Variants in HECW2 observed in about 807,000 individuals in gnomAD.
HECW2 encodes E3 ubiquitin-protein ligase HECW2.
A neutral mutation model predicts 175.2 loss-of-function variants in HECW2; 61 were observed. That is an observed-to-expected ratio of 0.35 (90% CI 0.28 to 0.43). The LOEUF is 0.43. Ranked by LOEUF, HECW2 falls within the 20% of genes least tolerant of loss-of-function variation. The pLI is 1.00. For synonymous variants in HECW2, 671 were observed against 731.0 expected (o/e 0.92, Z 1.32); for missense variants, 1,524 against 2,000.5 (o/e 0.76, Z 4.54).
At chr2:196,405,301 G>A (rs1336463476) in intron 2 of HECW2, among the ~76,000 whole-genome samples, 1 of 152,070 alleles carries the variant, frequency 6.6e-6, no homozygotes, top group Non-Finnish European at 1.5e-5. Context: ...TCTTACTTTA[G>A]ACTCAGGACC....
rs890370243 is a variant in HECW2, at chr2:196,292,595, T to A, written c.2970A>T (p.Gly990=). The A allele has an allele frequency of 1.2e-6, 2 of 1,613,742 alleles. No individual in the cohort carries two copies. Among genetic ancestry groups the A allele is most frequent in the Non-Finnish European group, 8.5e-7 (1 of 1,179,750 alleles). Residue 990 remains glycine (G), a synonymous_variant, in exon 14 of 29, where the codon GGA becomes GGT. Transcript: ENST00000644978. The stretch of plus-strand genomic sequence containing the variant: ...CCTGGTGATCATGTTTCATTTCCCA[T>A]CCCCGCGGCAGCTCTAGCTGTTTGT... The part of the protein sequence containing the change: ...FANKQLELPR[G]WEMKHDHQGK...
chr2:196,379,451 C>T (rs13407375), intron 2 of HECW2, among the ~76,000 whole-genome samples: 9,457 of 151,976 alleles, frequency 0.062, 453 homozygotes, highest in African/African-American at 0.12. Flanking sequence ...TTTGGGAGGT[C>T]GAGGCGGGTG....
At chr2:196,547,263 G>A (rs865973592) in intron 1 of HECW2, among the ~76,000 whole-genome samples, 2 of 152,196 alleles carry the variant, frequency 1.3e-5, no homozygotes, top group Admixed American at 6.5e-5. Flanking sequence ...AACCTAGCAT[G>A]TTCAGAAGGC....
chr2:196,274,716 T>A (rs751805804), intron 15 of HECW2, among the ~76,000 whole-genome samples: 1 of 152,200 alleles, frequency 6.6e-6, no homozygotes, highest in Non-Finnish European at 1.5e-5. Context: ...CACACCAGGG[T>A]GCTAATAGGA....
intron 2 of HECW2, among the ~76,000 whole-genome samples, chr2:196,432,072 A>C (rs1695729370): frequency 6.6e-6 from 1 of 152,120 alleles, no homozygotes; most frequent in South Asian, 2.1e-4. Context: ...TGTCCTTTAC[A>C]TTGTTGGATG....
chr2:196,580,981 T>G (rs1459027341), intron 1 of HECW2, among the ~76,000 whole-genome samples: 1 of 152,184 alleles, frequency 6.6e-6, no homozygotes, highest in African/African-American at 2.4e-5. Flanking sequence ...AGTGAAGTAG[T>G]GACACATGCT....
intron 15 of HECW2, among the ~76,000 whole-genome samples, chr2:196,278,238 T>C (rs78632329): frequency 0.04 from 5,685 of 143,400 alleles, 149 homozygotes; most frequent in South Asian, 0.089. Context: ...CATCTTCCTG[T>C]CTCGAACATT....
intron 19 of HECW2, among the ~76,000 whole-genome samples, chr2:196,246,119 A>G (rs576696996): frequency 6.6e-6 from 1 of 152,312 alleles, no homozygotes; most frequent in East Asian, 1.9e-4. Flanking sequence ...GTGTACCGAA[A>G]GGCATAATTT....
chr2:196,381,998 G>A (rs1694218821), intron 2 of HECW2, among the ~76,000 whole-genome samples: 1 of 152,074 alleles, frequency 6.6e-6, no homozygotes, highest in South Asian at 2.1e-4. Flanking sequence ...AATAAATTAT[G>A]TTACATCTCA....
chr2:196,430,858 T>C (rs1695690320), intron 2 of HECW2, among the ~76,000 whole-genome samples: 1 of 151,698 alleles, frequency 6.6e-6, no homozygotes, highest in Non-Finnish European at 1.5e-5. Flanking sequence ...AAGAAAAAAA[T>C]AAAAACAGAA....
At chr2:196,480,329 C>G (rs564503321) in intron 1 of HECW2, among the ~76,000 whole-genome samples, 1 of 152,082 alleles carries the variant, frequency 6.6e-6, no homozygotes, top group Non-Finnish European at 1.5e-5. Flanking sequence ...CTCATTTATC[C>G]GCTGTAGTGA....
At chr2:196,459,529 C>T (rs1439516777) in intron 1 of HECW2, among the ~76,000 whole-genome samples, 3 of 151,964 alleles carry the variant, frequency 2.0e-5, no homozygotes, top group Non-Finnish European at 4.4e-5. Context: ...AAACTCAGTT[C>T]CCAACCATGA....
At chr2:196,408,449 C>A (rs1490002708) in intron 2 of HECW2, among the ~76,000 whole-genome samples, 1 of 152,132 alleles carries the variant, frequency 6.6e-6, no homozygotes, top group East Asian at 1.9e-4. Context: ...TCTAAGTGGT[C>A]ATGATTTTTA....
chr2:196,502,683 G>A (rs971915255), intron 1 of HECW2, among the ~76,000 whole-genome samples: 5 of 151,922 alleles, frequency 3.3e-5, no homozygotes, highest in Admixed American at 1.3e-4. Flanking sequence ...CCACAATTAC[G>A]TGTCAGGCAT....
At chr2:196,281,087 G>T (rs1690165982) in intron 14 of HECW2, among the ~76,000 whole-genome samples, 1 of 152,182 alleles carries the variant, frequency 6.6e-6, no homozygotes, top group Non-Finnish European at 1.5e-5. Flanking sequence ...GTGTCTACAT[G>T]TAGGTCAACT....
chr2:196,559,821 G>A (rs1047325308), intron 1 of HECW2, among the ~76,000 whole-genome samples: 20 of 152,070 alleles, frequency 1.3e-4, no homozygotes, highest in African/African-American at 4.8e-4. Flanking sequence ...AATCTCACAA[G>A]GTACAGTGTG....
intron 2 of HECW2, among the ~76,000 whole-genome samples, chr2:196,345,105 A>G (rs80296134): frequency 1.3e-5 from 2 of 152,348 alleles, no homozygotes; most frequent in African/African-American, 2.4e-5. Context: ...ACTGTTCTTT[A>G]TAAGAATGGA....
chr2:196,479,121 G>A (rs780817218), intron 1 of HECW2, among the ~76,000 whole-genome samples: 8 of 152,142 alleles, frequency 5.3e-5, no homozygotes, highest in Non-Finnish European at 7.3e-5. Flanking sequence ...TGATCACTGC[G>A]AGCACATACA....
Position 196,254,049 on chromosome 2 carries a change from A to G in HECW2, c.3420-20T>C. The G allele has an allele frequency of 1.9e-6, 3 of 1,612,346 alleles. No individual in the cohort carries two copies. The highest frequency in any genetic ancestry group is 1.7e-6 in the Non-Finnish European group (2 of 1,178,866). ...AATAAGCTGGGGAAAGACAAGAAAC[A>G]AAACGGGCACTTCAGCCAAAGTAGT... On this transcript the variant is annotated intron_variant, in intron 18 of 28. Transcript: ENST00000644978.
Sources: gnomAD v4.1 joint callset for allele counts (sites outside exome capture counted in the v4.1 genomes callset) on GRCh38, gnomAD v4.1.1 for gene constraint, MANE v1.5 for transcripts, NCBI Gene and HGNC (gene_info 2026-07-23, HGNC 2026-07-21) for gene names.